MGAT4A: variants seen among roughly 807,000 people sequenced by gnomAD.
MGAT4A encodes the protein alpha-1,3-mannosyl-glycoprotein 4-beta-N-acetylglucosaminyltransferase A, also known as N-acetylglucosaminyltransferase IVa.
Under a neutral mutation model 74.1 loss-of-function variants are expected in MGAT4A, and 33 were observed. The ratio of observed to expected loss-of-function variants is 0.45; its 90% CI spans 0.34 to 0.60. MGAT4A has a LOEUF of 0.60. Among genes scored for constraint, MGAT4A ranks in the 20% least tolerant of loss-of-function variants. The probability of loss-of-function intolerance (pLI) is 0.02; values close to 1 mark genes in which losing one functional copy is unlikely to be tolerated. For synonymous variants in MGAT4A, 198 were observed against 210.4 expected, an observed-to-expected ratio of 0.94 and a Z score of 0.51; for missense variants, 479 against 628.3, an observed-to-expected ratio of 0.76 and a Z score of 2.54.
At chr2:98,686,341 G>A (rs145168893) in intron 2 of MGAT4A, among the ~76,000 whole-genome samples, 33 of 152,126 alleles carry the variant, frequency 2.2e-4, no homozygotes, top group African/African-American at 6.7e-4. Flanking sequence ...ATACCAAATC[G>A]GCTATGGTTG....
intron 2 of MGAT4A, among the ~76,000 whole-genome samples, chr2:98,707,575 C>T (rs1702457143): frequency 1.3e-5 from 2 of 152,172 alleles, no homozygotes; most frequent in South Asian, 2.1e-4. Context: ...AGCTCCTCTA[C>T]AATCAACAGC....
chr2:98,690,186 C>A (rs1702175795), intron 2 of MGAT4A, among the ~76,000 whole-genome samples: 1 of 152,172 alleles, frequency 6.6e-6, no homozygotes, highest in Admixed American at 6.5e-5. Flanking sequence ...TAGACTTCCA[C>A]CCTTGCCCAA....
rs1370673066 is a variant in MGAT4A, at chr2:98,679,159, C to A, written c.95-688G>T. Among the ~76,000 whole-genome samples, 3 of 152,112 alleles carry A rather than the reference C, an allele frequency of 2.0e-5. No individual in the cohort carries two copies. The East Asian group carries it at 5.8e-4, about 29-fold the overall frequency. ...CGGTGGCTCACGCCTGTAATCCCAG[C>A]ACTTTGGGAGGCCGAGGTGGGCGGA... is the stretch of plus-strand genomic sequence containing the variant. On this transcript the variant is annotated intron_variant, in intron 2 of 15. Coordinates refer to ENST00000393487, the MANE Select transcript of MGAT4A (RefSeq NM_012214.3).
At chr2:98,689,244 CT>C in intron 2 of MGAT4A, among the ~76,000 whole-genome samples, 1 of 152,128 alleles carries the variant, frequency 6.6e-6, no homozygotes, top group Non-Finnish European at 1.5e-5. Context: ...AGGATTTTTC[CT>C]TTTTGTACCC....
At chr2:98,626,275 G>C (rs900503636) in intron 14 of MGAT4A, among the ~76,000 whole-genome samples, 4 of 151,972 alleles carry the variant, frequency 2.6e-5, no homozygotes, top group Admixed American at 2.6e-4. Flanking sequence ...CCTTGAGCAG[G>C]GACTCAATAC....
chr2:98,644,704 G>A (rs1022843047), intron 9 of MGAT4A, among the ~76,000 whole-genome samples: 1 of 151,694 alleles, frequency 6.6e-6, no homozygotes, highest in African/African-American at 2.4e-5. Flanking sequence ...CGCGATCTCA[G>A]CTCACTACAA....
chr2:98,670,662 C>T (rs969233852), intron 4 of MGAT4A, among the ~76,000 whole-genome samples: 2 of 152,018 alleles, frequency 1.3e-5, no homozygotes, highest in African/African-American at 4.8e-5. Context: ...TCATTTATTC[C>T]TCATTGCTTT....
intron 2 of MGAT4A, among the ~76,000 whole-genome samples, chr2:98,689,975 A>G (rs1702173240): frequency 6.6e-6 from 1 of 152,170 alleles, no homozygotes; most frequent in African/African-American, 2.4e-5. Context: ...GGGAACTAGA[A>G]AAGTCGGCAA....
chr2:98,625,176 C>G lies in MGAT4A; in HGVS notation c.*390G>C. On this transcript the variant is annotated 3_prime_UTR_variant, in exon 16 of 16. Coordinates refer to ENST00000393487, the MANE Select transcript of MGAT4A (RefSeq NM_012214.3). ...ATTTATATATATAATCCCTGATAATCTATAAAAGAGGGTCTATAATAGTAA... is the reference window on the plus strand; with the variant it reads ...ATTTATATATATAATCCCTGATAATGTATAAAAGAGGGTCTATAATAGTAA... 1.2e-6 allele frequency: 1 copy of G among 814,080 alleles called. No individual in the cohort carries two copies. The highest frequency in any genetic ancestry group is 1.5e-6 in the Non-Finnish European group (1 of 674,202). The allele number at this position is 814,080 out of a possible 1,614,324, so 50.4% of individuals were successfully genotyped here.
At chr2:98,635,404 G>C in intron 13 of MGAT4A, 116 bp from the exon 14 acceptor site, 1 of 665,328 alleles carries the variant, frequency 1.5e-6, no homozygotes, top group Non-Finnish European at 2.4e-6. Flanking sequence ...CCTAAAAAGA[G>C]AAATATCATC....
At position 98,636,492 on chromosome 2, in the gene MGAT4A, A is replaced by G. The variant is rs750186451; in HGVS notation, c.1401+25T>C. Reference sequence around the variant, plus strand: ...TCTACTAGTATTAGTTGTTAGGGAAAGGTAAGAGGAAATAGCAGTCATACC... The same window carrying G: ...TCTACTAGTATTAGTTGTTAGGGAAGGGTAAGAGGAAATAGCAGTCATACC... On this transcript the variant is annotated intron_variant, in intron 13 of 15. Transcript: ENST00000393487. 1.9e-6 allele frequency: 3 copies of G among 1,553,276 alleles called. No individual in the cohort carries two copies. The Admixed American group carries it at 5.0e-5, about 26-fold the overall frequency.
chr2:98,726,265 C>T lies in MGAT4A; in HGVS notation c.68G>A (p.Trp23Ter). Residue 23 changes from tryptophan to a stop codon, truncating the protein, a stop_gained, in exon 2 of 16, where the codon TGG becomes TAG. Transcript: ENST00000393487. LOFTEE classifies it high-confidence loss of function. ...AFITSFLTLS[W>*]YTTWQNGKEK... The stretch of plus-strand genomic sequence containing the variant: ...TTTCCCATTTTGCCATGTAGTATAC[C>T]AAGACAAAGTAAGGAAGGAAGTGAT... The T allele has an allele frequency of 6.2e-7, 1 of 1,613,708 alleles. No individual in the cohort carries two copies. The highest frequency in any genetic ancestry group is 8.5e-7 in the Non-Finnish European group (1 of 1,179,704).
rs963544133 is a variant in MGAT4A, at chr2:98,619,528, A to G, written c.*6038T>C. 1 of 152,226 alleles carries G rather than the reference A, an allele frequency of 6.6e-6. No homozygotes were observed. Among genetic ancestry groups the G allele is most frequent in the Non-Finnish European group, 1.5e-5 (1 of 68,036 alleles). The allele number at this position is 152,226 out of a possible 1,614,324, so 9.4% of individuals were successfully genotyped here. ...TTTTTCCATTCCATAAATGAAACACAATTGTTACACTTTGCTGATTTCTAA... is the reference window on the plus strand; with the variant it reads ...TTTTTCCATTCCATAAATGAAACACGATTGTTACACTTTGCTGATTTCTAA... On this transcript the variant is annotated 3_prime_UTR_variant, in exon 16 of 16. Transcript: ENST00000393487.
chr2:98,648,679 A>C (rs1422982727), intron 8 of MGAT4A, among the ~76,000 whole-genome samples: 1 of 151,050 alleles, frequency 6.6e-6, no homozygotes, highest in African/African-American at 2.4e-5. Flanking sequence ...CTGTGTTTGC[A>C]CCACTGCACT....
rs994834157 is a variant in MGAT4A, at chr2:98,621,879, G to A, written c.*3687C>T. 4.0e-6 allele frequency: 4 copies of A among 1,002,184 alleles called. No homozygotes were observed. The highest frequency in any genetic ancestry group is 2.4e-6 in the Non-Finnish European group (2 of 840,716). 62.1% of individuals were successfully genotyped at this position (1,002,184 alleles called of 1,614,324 possible). Reference sequence around the variant, plus strand: ...CTAATTATTGACTAGTGCAACCACTGATTTGAGAAGATACACACTTTGTTC... The same window carrying A: ...CTAATTATTGACTAGTGCAACCACTAATTTGAGAAGATACACACTTTGTTC... On this transcript the variant is annotated 3_prime_UTR_variant, in exon 16 of 16. Coordinates refer to ENST00000393487, the MANE Select transcript of MGAT4A (RefSeq NM_012214.3).
chr2:98,680,103 C>T (rs577857757), intron 2 of MGAT4A, among the ~76,000 whole-genome samples: 4 of 145,132 alleles, frequency 2.8e-5, no homozygotes, highest in South Asian at 4.3e-4. Context: ...TACAGTGGCG[C>T]GATCTCGGCT....
chr2:98,663,424 T>TA, intron 4 of MGAT4A: 1 of 1,496,438 alleles, frequency 6.7e-7, no homozygotes, highest in Non-Finnish European at 8.9e-7. Context: ...AACTTCACAC[T>TA]AAAAAATGAA....
At chr2:98,663,215 T>C (rs1037556536) in intron 4 of MGAT4A, 36 bp from the exon 5 acceptor site, 4 of 1,552,684 alleles carry the variant, frequency 2.6e-6, no homozygotes, top group African/African-American at 1.4e-5. Context: ...TAAAAAACTG[T>C]ACAAGGACAA....
chr2:98,724,730 C>A (rs1702735580), intron 2 of MGAT4A, among the ~76,000 whole-genome samples: 1 of 151,440 alleles, frequency 6.6e-6, no homozygotes, highest in Non-Finnish European at 1.5e-5. Context: ...TCAAATAAGG[C>A]ACAGTGAGAA....
Sources: allele counts gnomAD v4.1 joint callset (sites outside exome capture counted in the v4.1 genomes callset), GRCh38; gene constraint gnomAD v4.1.1; transcripts MANE v1.5; gene names NCBI Gene and HGNC (gene_info 2026-07-23, HGNC 2026-07-21).